STYXL2: variants seen among roughly 807,000 people sequenced by gnomAD.
The protein encoded by STYXL2 is serine/threonine/tyrosine interacting like 2, also known as serine/threonine/tyrosine-interacting-like protein 2.
In STYXL2, 44 loss-of-function variants were observed where a neutral mutation model predicts 52.4. The ratio of observed to expected loss-of-function variants is 0.84; its 90% CI spans 0.66 to 1.08. The LOEUF is 1.08. STYXL2 is among the 50% of genes least tolerant of loss of function. The pLI is 0.00. For missense variants in STYXL2, 1,604 were observed against 1,471.7 expected (o/e 1.09, Z -1.47); for synonymous variants, 604 against 586.9 (o/e 1.03, Z -0.42).
chr1:167,097,690 T>C (rs913263524), intron 2 of STYXL2, among the ~76,000 whole-genome samples: 1 of 147,304 alleles, frequency 6.8e-6, no homozygotes. Context: ...AACTATAGGT[T>C]AAAAAAAAAA....
At chr1:167,101,948 T>C (rs891252610) in intron 2 of STYXL2, among the ~76,000 whole-genome samples, 18 of 152,116 alleles carry the variant, frequency 1.2e-4, no homozygotes, top group African/African-American at 2.7e-4. Context: ...CATTTACACA[T>C]AGGAATACTA....
At chr1:167,110,688 TTG>T (rs1412398047) in intron 2 of STYXL2, among the ~76,000 whole-genome samples, 1 of 152,192 alleles carries the variant, frequency 6.6e-6, no homozygotes, top group Non-Finnish European at 1.5e-5. Context: ...ACCTTGGTGA[TTG>T]TGTTTTCTAC....
chr1:167,126,311 C>A lies in STYXL2; in HGVS notation c.1180C>A (p.Gln394Lys). 1 of 1,521,872 alleles carries A rather than the reference C, an allele frequency of 6.6e-7. No individual in the cohort carries two copies. Among genetic ancestry groups the A allele is most frequent in the Non-Finnish European group, 8.8e-7 (1 of 1,132,756 alleles). 94.3% of individuals were successfully genotyped at this position (1,521,872 alleles called of 1,614,324 possible). Residue 394 changes from glutamine (Q) to lysine (K), a missense_variant, in exon 6 of 6, where the codon CAG (glutamine) becomes AAG (lysine). Physicochemically the swap from Gln to Lys is moderately conservative, Grantham distance 53. Transcript: ENST00000361200. ...LEDEDVERII[Q>K]EWQSRNERYQ... is the part of the protein sequence containing the mutation. The stretch of plus-strand genomic sequence containing the variant: ...GGACGAGGACGTGGAGAGGATCATC[C>A]AGGAGTGGCAGAGCCGAAACGAGAG...
At chr1:167,105,906 C>T (rs2102227720) in intron 2 of STYXL2, among the ~76,000 whole-genome samples, 1 of 152,268 alleles carries the variant, frequency 6.6e-6, no homozygotes, top group African/African-American at 2.4e-5. Flanking sequence ...TGTTCTTCAT[C>T]CCCCCTCTTT....
rs201239266 is a variant in STYXL2 at position 167,127,219 on chromosome 1, G to T, written c.2088G>T (p.Ala696=). ...SHLSQAASNI[A]GCSTSNPTTP... is the part of the protein sequence containing the mutation. ...TGTCTCAGGCTGCAAGCAACATAGCGGGGTGTTCAACCTCCAACCCCACCA... is the reference window on the plus strand; with the variant it reads ...TGTCTCAGGCTGCAAGCAACATAGCTGGGTGTTCAACCTCCAACCCCACCA... Residue 696 remains alanine, a synonymous_variant, in exon 6 of 6, where the codon GCG becomes GCT. Coordinates refer to ENST00000361200, the MANE Select transcript of STYXL2 (RefSeq NM_001080426.3). 5.0e-6 allele frequency: 8 copies of T among 1,614,122 alleles called. No homozygotes were observed. The highest frequency in any genetic ancestry group is 3.3e-5 in the Admixed American group (2 of 60,010).
At chr1:167,104,102 GA>G (rs1469113709) in intron 2 of STYXL2, among the ~76,000 whole-genome samples, 2 of 152,020 alleles carry the variant, frequency 1.3e-5, no homozygotes, top group African/African-American at 2.4e-5. Flanking sequence ...CTGGGGGACA[GA>G]GCCAGACTCT....
At position 167,127,834 on chromosome 1, in the gene STYXL2, C is replaced by T. The variant is rs1171020915; in HGVS notation, c.2703C>T (p.Arg901=). The part of the protein sequence containing the change: ...SAIGSFRYSS[R]SNSQKPETDT... ...TAGGGAGCTTCCGATATTCTTCCCG[C>T]AGTAATTCCCAGAAACCTGAAACAG... The change falls in exon 6 of 6, where the codon CGC becomes CGT. Residue 901 remains arginine, a synonymous_variant. Transcript: ENST00000361200. The T allele has an allele frequency of 6.2e-7, 1 of 1,613,840 alleles. No individual in the cohort carries two copies. The highest frequency in any genetic ancestry group is 1.1e-5 in the South Asian group (1 of 91,082).
In STYXL2 at chr1:167,127,620, A is replaced by G. The variant is rs1168659719; in HGVS notation, c.2489A>G (p.Asn830Ser). 6.2e-7 allele frequency: 1 copy of G among 1,614,152 alleles called. No individual in the cohort carries two copies. Among genetic ancestry groups the G allele is most frequent in the Middle Eastern group, 1.6e-4 (1 of 6,062 alleles). The stretch of plus-strand genomic sequence containing the variant: ...CCCATCTTCAGCCTCTTTGCTGACA[A>G]TGTGGACCTAAAGGAACTTGGCCGG... ...SKPIFSLFADNVDLKELGRKE... is the reference protein window; with the variant it reads ...SKPIFSLFADSVDLKELGRKE... Residue 830 changes from asparagine (N) to serine (S), a missense_variant, in exon 6 of 6, where the codon AAT (asparagine) becomes AGT (serine). Transcript: ENST00000361200.
Position 167,127,800 on chromosome 1 carries a change from A to G in STYXL2, c.2669A>G (p.Asp890Gly), listed in dbSNP as rs924171836. The change falls in exon 6 of 6, where the codon GAC becomes GGC. Residue 890 changes from aspartate to glycine, a missense_variant. Asp to Gly is a moderately conservative substitution (Grantham distance 94). Transcript: ENST00000361200. Reference sequence around the variant, plus strand: ...GTGGGTGATGGGGATGAGGACACTGACAGTGCCATAGGGAGCTTCCGATAT... The same window carrying G: ...GTGGGTGATGGGGATGAGGACACTGGCAGTGCCATAGGGAGCTTCCGATAT... ...DGVGDGDEDT[D>G]SAIGSFRYSS... The G allele has an allele frequency of 6.2e-7, 1 of 1,613,880 alleles. No homozygotes were observed. The highest frequency in any genetic ancestry group is 8.5e-7 in the Non-Finnish European group (1 of 1,180,006).
At chr1:167,100,993 C>T (rs1422255330) in intron 2 of STYXL2, among the ~76,000 whole-genome samples, 1 of 152,214 alleles carries the variant, frequency 6.6e-6, no homozygotes, top group African/African-American at 2.4e-5. Flanking sequence ...TAAACCAGTT[C>T]AGATGAATGA....
intron 2 of STYXL2, among the ~76,000 whole-genome samples, chr1:167,104,512 C>G (rs1667471574): frequency 6.6e-6 from 1 of 152,074 alleles, no homozygotes. Flanking sequence ...GAGACAGGGG[C>G]ATGAAGTGTA....
intron 2 of STYXL2, 136 bp downstream of exon 2, chr1:167,095,095 G>C (rs1667255568): frequency 1.6e-6 from 1 of 643,132 alleles, no homozygotes; most frequent in Non-Finnish European, 2.8e-6. Context: ...GTACTTGTAT[G>C]TGTCCTACTT....
At chr1:167,113,858 C>T in intron 3 of STYXL2, 54 bp downstream of exon 3, 5 of 1,384,046 alleles carry the variant, frequency 3.6e-6, no homozygotes, top group Non-Finnish European at 5.1e-6. Flanking sequence ...TCTGGAGACC[C>T]TTAGAGGGGG....
chr1:167,116,917 T>C (rs1321528519), intron 3 of STYXL2, among the ~76,000 whole-genome samples: 2 of 152,202 alleles, frequency 1.3e-5, no homozygotes, highest in African/African-American at 4.8e-5. Context: ...CCCAAAGTGC[T>C]GGGGTTACAG....
rs114616796 is a variant in STYXL2 at position 167,101,041 on chromosome 1, T to A, written c.110+6082T>A. 2.7e-3 allele frequency among the ~76,000 whole-genome samples: 410 copies of A among 152,344 alleles called. 4 individuals are homozygous for A. The highest frequency in any genetic ancestry group is 8.5e-3 in the African/African-American group (354 of 41,580). The stretch of plus-strand genomic sequence containing the variant: ...TTTTAAAAAATGAAAACAGAACCTA[T>A]AGACTTGGAGAAAATATTTTCAAAT... On this transcript the variant is annotated intron_variant, in intron 2 of 5. Coordinates refer to ENST00000361200, the MANE Select transcript of STYXL2 (RefSeq NM_001080426.3).
In STYXL2 at chr1:167,104,168, C is replaced by T. The variant is rs186116287; in HGVS notation, c.110+9209C>T. 6.0e-5 allele frequency among the ~76,000 whole-genome samples: 9 copies of T among 150,956 alleles called. No homozygotes were observed. In the Middle Eastern group the frequency reaches 0.021, roughly 345 times the overall value. ...GTAATGCAAACCAACCTCTGCCCGT[C>T]CCCCCACCCCCCGTCTCTTCCTTCT... On this transcript the variant is annotated intron_variant, in intron 2 of 5. Coordinates refer to ENST00000361200, the MANE Select transcript of STYXL2 (RefSeq NM_001080426.3).
At chr1:167,107,280 T>G (rs895905306) in intron 2 of STYXL2, among the ~76,000 whole-genome samples, 2 of 152,128 alleles carry the variant, frequency 1.3e-5, no homozygotes, top group African/African-American at 4.8e-5. Context: ...TGATCAATTA[T>G]CACTTCCACC....
At chr1:167,117,662 T>A in intron 4 of STYXL2, 103 bp downstream of exon 4, 1 of 1,052,632 alleles carries the variant, frequency 9.5e-7, no homozygotes. Context: ...CATAGGTCCA[T>A]CCAGCACAAT....
At position 167,126,736 on chromosome 1, in the gene STYXL2, C is replaced by G. The variant is rs755946684; in HGVS notation, c.1605C>G (p.Ser535Arg). ...CCAGTTCCTTCTACAACTTCTGCAG[C>G]AGGAACAAGGACAAGCTCACTGCCC... ...SEASSFYNFC[S>R]RNKDKLTALE... Residue 535 changes from serine (S) to arginine (R), a missense_variant, in exon 6 of 6, where the codon AGC becomes AGG. Ser to Arg is a moderately radical substitution (Grantham distance 110). Coordinates refer to ENST00000361200, the MANE Select transcript of STYXL2 (RefSeq NM_001080426.3). The G allele has an allele frequency of 6.2e-7, 1 of 1,614,160 alleles. No homozygotes were observed. Among genetic ancestry groups the G allele is most frequent in the East Asian group, 2.2e-5 (1 of 44,874 alleles).
Sources: allele counts gnomAD v4.1 joint callset (sites outside exome capture counted in the v4.1 genomes callset), GRCh38; gene constraint gnomAD v4.1.1; transcripts MANE v1.5; gene names NCBI Gene and HGNC (gene_info 2026-07-23, HGNC 2026-07-21).